SLC24A2: variants seen among roughly 807,000 people sequenced by gnomAD.
The protein encoded by SLC24A2 is sodium/potassium/calcium exchanger 2.
A neutral mutation model predicts 62.0 loss-of-function variants in SLC24A2; 36 were observed. That is an observed-to-expected ratio of 0.58 (90% CI 0.44 to 0.77). SLC24A2 has a LOEUF of 0.77. Ranked by LOEUF, SLC24A2 falls within the 30% of genes least tolerant of loss-of-function variation. SLC24A2 has a pLI of 0.00. For missense variants in SLC24A2, 846 were observed against 817.9 expected (o/e 1.03, Z -0.42); for synonymous variants, 358 against 294.0 (o/e 1.22, Z -2.23).
Position 19,513,503 on chromosome 9 carries a change from T to C in SLC24A2, c.*2650A>G, listed in dbSNP as rs775718022. 1.3e-5 allele frequency: 2 copies of C among 152,072 alleles called. No individual in the cohort carries two copies. Among genetic ancestry groups the C allele is most frequent in the Admixed American group, 6.6e-5 (1 of 15,250 alleles). 9.4% of individuals were successfully genotyped at this position (152,072 alleles called of 1,614,324 possible). ...GATGTGGGAACGGGGCTTGGAAATT[T>C]TGTCTTCTCAAATGCAACTTCACAT... On this transcript the variant is annotated 3_prime_UTR_variant, in exon 11 of 11. Coordinates refer to ENST00000341998, the MANE Select transcript of SLC24A2 (RefSeq NM_020344.4).
At chr9:19,895,881 C>T in the SLC24A2 span, 1 of 1,613,254 alleles carries the variant, frequency 6.2e-7, no homozygotes, top group Non-Finnish European at 8.5e-7. Context: ...GGGCCTCGGC[C>T]AGTGTGATGC....
chr9:19,765,919 C>T (rs893468771), intron 2 of SLC24A2, among the ~76,000 whole-genome samples: 6 of 152,216 alleles, frequency 3.9e-5, no homozygotes, highest in African/African-American at 9.7e-5. Context: ...CTCCATGTCA[C>T]TTTCCGGTAT....
At chr9:19,776,268 G>C (rs1165854274) in intron 2 of SLC24A2, among the ~76,000 whole-genome samples, 2 of 152,198 alleles carry the variant, frequency 1.3e-5, no homozygotes, top group Non-Finnish European at 2.9e-5. Context: ...AAGAGAACTA[G>C]CTTGCAGTTT....
the SLC24A2 span, among the ~76,000 whole-genome samples, chr9:19,836,813 G>A: frequency 6.6e-6 from 1 of 152,118 alleles, no homozygotes; most frequent in African/African-American, 2.4e-5. Context: ...GATGAACATT[G>A]ATGCAAAAAT....
At chr9:19,966,741 C>G in the SLC24A2 span, among the ~76,000 whole-genome samples, 10 of 152,084 alleles carry the variant, frequency 6.6e-5, no homozygotes, top group Non-Finnish European at 1.3e-4. Flanking sequence ...GCTTCTAAAC[C>G]CAAACAAAAA....
At chr9:19,963,743 A>G in the SLC24A2 span, among the ~76,000 whole-genome samples, 1 of 152,042 alleles carries the variant, frequency 6.6e-6, no homozygotes, top group Non-Finnish European at 1.5e-5. Context: ...GGATGTGGAG[A>G]AATAGGAACA....
the SLC24A2 span, among the ~76,000 whole-genome samples, chr9:20,042,382 G>C: frequency 6.6e-6 from 1 of 152,172 alleles, no homozygotes; most frequent in African/African-American, 2.4e-5. Flanking sequence ...TTTGCATAAG[G>C]ACATCTGAGC....
the SLC24A2 span, among the ~76,000 whole-genome samples, chr9:20,239,234 T>C: frequency 6.6e-6 from 1 of 152,220 alleles, no homozygotes; most frequent in Non-Finnish European, 1.5e-5. Context: ...CCAGTTACAT[T>C]TGAATTTCAG....
chr9:19,891,010 C>G, the SLC24A2 span, among the ~76,000 whole-genome samples: 1 of 152,194 alleles, frequency 6.6e-6, no homozygotes, highest in African/African-American at 2.4e-5. Context: ...TCATCTCCTA[C>G]CCTAATATCC....
chr9:19,647,870 C>T (rs140731749), intron 2 of SLC24A2, among the ~76,000 whole-genome samples: 32 of 152,322 alleles, frequency 2.1e-4, no homozygotes, highest in African/African-American at 7.5e-4. Context: ...TATAGGGTAT[C>T]TCACTTGAGT....
chr9:20,038,234 A>G, the SLC24A2 span, among the ~76,000 whole-genome samples: 2 of 152,208 alleles, frequency 1.3e-5, no homozygotes, highest in African/African-American at 4.8e-5. Flanking sequence ...TGAACAAGTT[A>G]ACCTCTAAGC....
chr9:20,011,888 A>G, the SLC24A2 span, among the ~76,000 whole-genome samples: 1 of 152,244 alleles, frequency 6.6e-6, no homozygotes, highest in Non-Finnish European at 1.5e-5. Flanking sequence ...GGCTCAACAT[A>G]TGCAAACCAG....
intron 2 of SLC24A2, among the ~76,000 whole-genome samples, chr9:19,729,432 G>C (rs776853791): frequency 1.8e-4 from 28 of 152,164 alleles, no homozygotes; most frequent in Non-Finnish European, 3.7e-4. Flanking sequence ...ATTTATTGCA[G>C]CACTATTCAC....
At position 19,521,053 on chromosome 9, in the gene SLC24A2, T is replaced by G. The variant is rs1563928654; in HGVS notation, c.1577A>C (p.Glu526Ala). 6.2e-7 allele frequency: 1 copy of G among 1,614,046 alleles called. No homozygotes were observed. The highest frequency in any genetic ancestry group is 1.7e-5 in the Admixed American group (1 of 60,016). Residue 526 changes from glutamate (E) to alanine (A), a missense_variant, in exon 10 of 11, where the codon GAG (glutamate) becomes GCG (alanine). Transcript: ENST00000341998. ...AATCTCTTCACTGATGCCAATTGTC[T>G]CTCCAACCTAAATGTCAGGACAGGA... ...LMVWWAHQVG[E>A]TIGISEEIMG...
At chr9:20,095,020 G>A in the SLC24A2 span, among the ~76,000 whole-genome samples, 2 of 152,136 alleles carry the variant, frequency 1.3e-5, no homozygotes, top group Non-Finnish European at 2.9e-5. Flanking sequence ...TTTGTGTGAT[G>A]ATAGATTTTT....
At chr9:19,850,009 A>T in the SLC24A2 span, among the ~76,000 whole-genome samples, 1 of 144,634 alleles carries the variant, frequency 6.9e-6, no homozygotes, top group Non-Finnish European at 1.5e-5. Context: ...CTAAATCATA[A>T]GAATAAAAAC....
chr9:19,978,961 G>A, the SLC24A2 span, among the ~76,000 whole-genome samples: 1 of 152,174 alleles, frequency 6.6e-6, no homozygotes, highest in Non-Finnish European at 1.5e-5. Context: ...TTTATAAAGT[G>A]TCAACAAAGG....
chr9:20,166,073 A>T, the SLC24A2 span, among the ~76,000 whole-genome samples: 1 of 151,982 alleles, frequency 6.6e-6, no homozygotes, highest in African/African-American at 2.4e-5. Flanking sequence ...AATTCAAATG[A>T]CATAAATATA....
the SLC24A2 span, among the ~76,000 whole-genome samples, chr9:19,864,258 C>G: frequency 6.6e-6 from 1 of 151,844 alleles, no homozygotes; most frequent in African/African-American, 2.4e-5. Flanking sequence ...ATTTAAAGAA[C>G]TAATACCAAT....
Sources: allele counts gnomAD v4.1 joint callset (sites outside exome capture counted in the v4.1 genomes callset), GRCh38; gene constraint gnomAD v4.1.1; transcripts MANE v1.5; gene names NCBI Gene and HGNC (gene_info 2026-07-23, HGNC 2026-07-21).